The following SLC35E2B variants were observed in gnomAD, a reference collection of about 807,000 sequenced individuals.
SLC35E2B encodes solute carrier family 35 member E2B, also known as solute carrier family 35, member E2B.
SLC35E2B carries 18 observed loss-of-function variants against 32.4 expected under a neutral mutation model. That is an observed-to-expected ratio of 0.56 (90% CI 0.38 to 0.82). The LOEUF is 0.82. Ranked by LOEUF, SLC35E2B falls within the 40% of genes least tolerant of loss-of-function variation. SLC35E2B has a pLI of 0.00. For synonymous variants in SLC35E2B, 132 were observed against 209.1 expected (o/e 0.63, Z 3.18); for missense variants, 263 against 469.5 (o/e 0.56, Z 4.06).
chr1:1,680,052 G>A (rs536857384), intron 2 of SLC35E2B, among the ~76,000 whole-genome samples: 90 of 151,722 alleles, frequency 5.9e-4, no homozygotes, highest in Non-Finnish European at 7.4e-4. Context: ...GCTTGAACCC[G>A]GGAGGCGGAG....
Position 1,668,359 on chromosome 1 carries a change from G to A in SLC35E2B, c.948C>T (p.Ala316=). ...LFHLQSVTAY[A]LMGKISPVTF... is the part of the protein sequence containing the mutation. ...TCACCGGGGAGATTTTCCCCATGAG[G>A]GCGTACGCCGTGACGCTCTGAAGGT... Residue 316 remains alanine (A), a synonymous_variant, in exon 9 of 10, where the codon GCC becomes GCT. Coordinates refer to ENST00000617444, the MANE Select transcript of SLC35E2B (RefSeq NM_001290264.2). 6.2e-7 allele frequency: 1 copy of A among 1,610,908 alleles called. No homozygotes were observed. The highest frequency in any genetic ancestry group is 8.5e-7 in the Non-Finnish European group (1 of 1,179,086).
Position 1,682,500 on chromosome 1 carries a change from G to C in SLC35E2B, c.-147-5654C>G, listed in dbSNP as rs562252176. ...ACCCCAAGCCCAAACCCACCGGAGC[G>C]GGGGAAGACTGAGGGACGAATCACA... On this transcript the variant is annotated intron_variant, in intron 2 of 9. Transcript: ENST00000617444. Among the ~76,000 whole-genome samples the C allele has an allele frequency of 3.9e-5, 6 of 152,264 alleles. No homozygotes were observed. The South Asian group carries it at 1.2e-3, about 32-fold the overall frequency.
chr1:1,675,462 C>T lies in SLC35E2B; in HGVS notation c.586+1G>A. On this transcript the variant is annotated splice_donor_variant, in intron 5 of 9. Transcript: ENST00000617444. LOFTEE classifies it high-confidence loss of function. ...GGAGGGGCGGGGCCCGGGGGCCTCA[C>T]CTGTGTACTCCCCCAGAATCATCCG... 6.2e-7 allele frequency: 1 copy of T among 1,611,768 alleles called. No individual in the cohort carries two copies. Among genetic ancestry groups the T allele is most frequent in the Non-Finnish European group, 8.5e-7 (1 of 1,179,328 alleles).
intron 2 of SLC35E2B, among the ~76,000 whole-genome samples, chr1:1,681,310 G>T (rs1643897793): frequency 6.6e-6 from 1 of 151,612 alleles, no homozygotes; most frequent in Admixed American, 6.6e-5. Context: ...CCATTCTCCT[G>T]CCTCAGCCTC....
At chr1:1,687,724 G>C (rs1198963911) in intron 2 of SLC35E2B, among the ~76,000 whole-genome samples, 5 of 129,784 alleles carry the variant, frequency 3.9e-5, no homozygotes, top group African/African-American at 6.0e-5. Context: ...GATGGAGGGA[G>C]ACTCCATCTC....
rs1643490671 is a variant in SLC35E2B at position 1,664,486 on chromosome 1, C to T, written c.*1296G>A. ...CTGGGTCTCAAAGGCTGGCTGGCAACAGGCTGCACCGGGCATGGGAATCCG... is the reference window on the plus strand; with the variant it reads ...CTGGGTCTCAAAGGCTGGCTGGCAATAGGCTGCACCGGGCATGGGAATCCG... On this transcript the variant is annotated 3_prime_UTR_variant, in exon 10 of 10. Coordinates refer to ENST00000617444, the MANE Select transcript of SLC35E2B (RefSeq NM_001290264.2). The T allele has an allele frequency of 6.6e-6, 6 of 915,800 alleles. No individual in the cohort carries two copies. The highest frequency in any genetic ancestry group is 1.2e-4 in the East Asian group (1 of 8,524). 56.7% of individuals were successfully genotyped at this position (915,800 alleles called of 1,614,324 possible). A position where few individuals can be genotyped will look rare whatever the true frequency, so the allele number is the denominator to read the frequency against.
Position 1,665,918 on chromosome 1 carries a change from G to C in SLC35E2B, c.1082C>G (p.Thr361Ser). ...SLSAVGTALV[T>S]VGVLLYNKAR... is the part of the protein sequence containing the mutation. ...TTTGTTGTAGAGCAGGACCCCAACG[G>C]TCACCAGGGCTGTGCCAACGGCCGA... The change falls in exon 10 of 10, where the codon ACC (threonine) becomes AGC (serine). Residue 361 changes from threonine (T) to serine (S), a missense_variant. By Grantham distance (58) the Thr-to-Ser change is moderately conservative (BLOSUM62 1). Coordinates refer to ENST00000617444, the MANE Select transcript of SLC35E2B (RefSeq NM_001290264.2). 2.6e-6 allele frequency: 4 copies of C among 1,551,404 alleles called. No individual in the cohort carries two copies. Among genetic ancestry groups the C allele is most frequent in the Non-Finnish European group, 3.5e-6 (4 of 1,146,984 alleles).
chr1:1,685,414 GAAAAAAAA>G (rs571091862), intron 2 of SLC35E2B, among the ~76,000 whole-genome samples: 288 of 102,812 alleles, frequency 2.8e-3, no homozygotes, highest in African/African-American at 0.011. Context: ...CGTTTTCTCA[GAAAAAAAA>G]AAAAAAAAAA....
At position 1,683,306 on chromosome 1, in the gene SLC35E2B, C is replaced by T. The variant is rs947557805; in HGVS notation, c.-147-6460G>A. 1.6e-4 allele frequency among the ~76,000 whole-genome samples: 25 copies of T among 152,144 alleles called. 1 individual carries two copies. The highest frequency in any genetic ancestry group is 5.8e-4 in the African/African-American group (24 of 41,406). On this transcript the variant is annotated intron_variant, in intron 2 of 9. Transcript: ENST00000617444. ...GCGAGGGCTGGATCCCACAAGACTG[C>T]CCCCTCCTCAGATGCTGGTCAGCCT...
In SLC35E2B at chr1:1,663,984, A is replaced by G. The variant is rs1570302371; in HGVS notation, c.*1798T>C. The G allele has an allele frequency of 3.4e-6, 1 of 297,186 alleles. No homozygotes were observed. Among genetic ancestry groups the G allele is most frequent in the East Asian group, 1.7e-4 (1 of 5,992 alleles). The allele number at this position is 297,186 out of a possible 1,614,324, so 18.4% of individuals were successfully genotyped here. A position where few individuals can be genotyped will look rare whatever the true frequency, so the allele number is the denominator to read the frequency against. ...GTGGGAAGGATTGCTTGAGCCGAGGAGTTCAAGACCAGCCTGGGCAACAAA... is the reference window on the plus strand; with the variant it reads ...GTGGGAAGGATTGCTTGAGCCGAGGGGTTCAAGACCAGCCTGGGCAACAAA... On this transcript the variant is annotated 3_prime_UTR_variant, in exon 10 of 10. Transcript: ENST00000617444.
chr1:1,685,233 G>A (rs1464425716), intron 2 of SLC35E2B, among the ~76,000 whole-genome samples: 1 of 151,836 alleles, frequency 6.6e-6, no homozygotes, highest in Non-Finnish European at 1.5e-5. Context: ...ACCAGCCTGG[G>A]TAATATGACG....
intron 2 of SLC35E2B, among the ~76,000 whole-genome samples, chr1:1,684,443 C>T (rs1180868386): frequency 6.6e-6 from 1 of 152,154 alleles, no homozygotes; most frequent in Admixed American, 6.5e-5. Context: ...CCACCCACAA[C>T]CCAAGTGGGC....
At chr1:1,671,398 A>C in intron 6 of SLC35E2B, 111 bp downstream of exon 6, 1 of 1,228,008 alleles carries the variant, frequency 8.1e-7, no homozygotes, top group Non-Finnish European at 1.1e-6. Flanking sequence ...CATTGGACGC[A>C]CCTGCTTTGG....
In SLC35E2B at chr1:1,688,941, G is replaced by T. The variant is rs1038983462; in HGVS notation, c.-148+2035C>A. ...AATCCCAGCACTTTGGGAGGCCGAG[G>T]TGGGCGCATCACGAGGTCAGGAGAT... On this transcript the variant is annotated intron_variant, in intron 2 of 9. Coordinates refer to ENST00000617444, the MANE Select transcript of SLC35E2B (RefSeq NM_001290264.2). 2.0e-5 allele frequency among the ~76,000 whole-genome samples: 3 copies of T among 151,876 alleles called. 1 individual carries two copies. Among genetic ancestry groups the T allele is most frequent in the African/African-American group, 7.3e-5 (3 of 41,260 alleles).
rs542227210 is a variant in SLC35E2B, at chr1:1,677,302, G to A, written c.-147-456C>T. Among the ~76,000 whole-genome samples, 25 of 146,424 alleles carry A rather than the reference G, an allele frequency of 1.7e-4. No homozygotes were observed. In the East Asian group the frequency reaches 2.8e-3, roughly 16 times the overall value. On this transcript the variant is annotated intron_variant, in intron 2 of 9. Transcript: ENST00000617444. Reference sequence around the variant, plus strand: ...GCAATTGAATCCCGTTTTTCTCTGCGCGTGTTGGCGGATCCTTGCTCTTGA... The same window carrying A: ...GCAATTGAATCCCGTTTTTCTCTGCACGTGTTGGCGGATCCTTGCTCTTGA...
intron 2 of SLC35E2B, among the ~76,000 whole-genome samples, chr1:1,677,737 C>G (rs180962398): frequency 6.6e-6 from 1 of 151,780 alleles, no homozygotes; most frequent in Non-Finnish European, 1.5e-5. Context: ...CCGCCCACCT[C>G]GGCCTCCTAA....
intron 2 of SLC35E2B, among the ~76,000 whole-genome samples, chr1:1,685,573 TA>T (rs960249299): frequency 2.0e-5 from 3 of 151,876 alleles, no homozygotes; most frequent in African/African-American, 7.3e-5. Flanking sequence ...GTCGCTTGCT[TA>T]AAAAGCAAAA....
At chr1:1,672,928 C>G (rs1643736811) in intron 5 of SLC35E2B, 1 of 153,398 alleles carries the variant, frequency 6.5e-6, no homozygotes, top group African/African-American at 2.4e-5. Flanking sequence ...TCATTGTTGT[C>G]AGCAAGAGAG....
chr1:1,671,538 C>T lies in SLC35E2B; in HGVS notation c.678G>A (p.Ser226=), dbSNP rs367787745. Residue 226 remains serine, a synonymous_variant, in exon 6 of 10, where the codon TCG becomes TCA. Coordinates refer to ENST00000617444, the MANE Select transcript of SLC35E2B (RefSeq NM_001290264.2). ...CCATGATGTTGGTGGACAGTGCGGC[C>T]GAGAACCCCAGGACATTGAAGCTGA... The part of the protein sequence containing the change: ...TEISFNVLGF[S]AALSTNIMDC... The T allele has an allele frequency of 4.9e-5, 76 of 1,548,470 alleles. No homozygotes were observed. Among genetic ancestry groups the T allele is most frequent in the Middle Eastern group, 3.3e-4 (2 of 6,010 alleles).
Sources: gnomAD v4.1 joint callset for allele counts (sites outside exome capture counted in the v4.1 genomes callset) on GRCh38, gnomAD v4.1.1 for gene constraint, MANE v1.5 for transcripts, NCBI Gene and HGNC (gene_info 2026-07-23, HGNC 2026-07-21) for gene names.